The following MMRN1 variants were observed in gnomAD, a reference collection of about 807,000 sequenced individuals.
MMRN1 encodes the protein multimerin-1.
In MMRN1, 94 loss-of-function variants were observed where a neutral mutation model predicts 100.7. That is an observed-to-expected ratio of 0.93 (90% CI 0.79 to 1.11). The LOEUF (loss-of-function observed/expected upper bound fraction) is 1.11, where lower values mean the gene tolerates loss of function less well. Ranked by LOEUF, MMRN1 falls within the 50% of genes least tolerant of loss-of-function variation. MMRN1 has a pLI of 0.00. For synonymous variants in MMRN1, 575 were observed against 505.0 expected (o/e 1.14, Z -1.86); for missense variants, 1,606 against 1,439.1 (o/e 1.12, Z -1.88).
intron 1 of MMRN1, among the ~76,000 whole-genome samples, chr4:89,881,240 T>C (rs960965667): frequency 5.3e-5 from 8 of 152,136 alleles, no homozygotes; most frequent in Non-Finnish European, 8.8e-5. Context: ...TCTAGTTAAG[T>C]TTAAATTCCA....
chr4:89,927,285 A>G (rs1007612009), intron 4 of MMRN1, among the ~76,000 whole-genome samples: 27 of 151,818 alleles, frequency 1.8e-4, no homozygotes, highest in Non-Finnish European at 3.5e-4. Context: ...CATATCTTCA[A>G]TTTCTTTCAT....
At chr4:89,931,530 T>A (rs1722433443) in intron 5 of MMRN1, among the ~76,000 whole-genome samples, 1 of 152,108 alleles carries the variant, frequency 6.6e-6, no homozygotes, top group Non-Finnish European at 1.5e-5. Context: ...ATTGTGTTAG[T>A]CCATTTTCAT....
At chr4:89,950,149 A>T (rs1054626431) in intron 6 of MMRN1, among the ~76,000 whole-genome samples, 4 of 152,244 alleles carry the variant, frequency 2.6e-5, no homozygotes, top group Non-Finnish European at 5.9e-5. Context: ...TGTCTTCAGT[A>T]AACCAAACCT....
At chr4:89,888,025 T>G (rs573368890) in intron 1 of MMRN1, among the ~76,000 whole-genome samples, 1 of 152,156 alleles carries the variant, frequency 6.6e-6, no homozygotes, top group South Asian at 2.1e-4. Context: ...TTCATTTTGT[T>G]CACATATTCA....
chr4:89,946,872 T>G (rs776448631), intron 6 of MMRN1, among the ~76,000 whole-genome samples: 1 of 152,114 alleles, frequency 6.6e-6, no homozygotes, highest in Non-Finnish European at 1.5e-5. Context: ...GGTAGAATGT[T>G]GACTTGGAAG....
At chr4:89,895,854 G>A (rs1033474325) in intron 1 of MMRN1, among the ~76,000 whole-genome samples, 1 of 152,120 alleles carries the variant, frequency 6.6e-6, no homozygotes, top group Non-Finnish European at 1.5e-5. Context: ...GTTTTACTTA[G>A]AATAGTCATT....
At position 89,953,618 on chromosome 4, in the gene MMRN1, A is replaced by T; in HGVS notation, c.*200A>T. The T allele has an allele frequency of 2.4e-6, 1 of 423,282 alleles. No individual in the cohort carries two copies. Among genetic ancestry groups the T allele is most frequent in the Non-Finnish European group, 4.1e-6 (1 of 245,704 alleles). 26.2% of individuals were successfully genotyped at this position (423,282 alleles called of 1,614,324 possible). A position where few individuals can be genotyped will look rare whatever the true frequency, so the allele number is the denominator to read the frequency against. ...ATGTCTGAATATGAAAGAGTTCTTG[A>T]TCCTAAAGAAATTTAGTGGCACAGA... On this transcript the variant is annotated 3_prime_UTR_variant, in exon 8 of 8. Coordinates refer to ENST00000264790, the MANE Select transcript of MMRN1 (RefSeq NM_007351.3).
rs1722621864 is a variant in MMRN1 at position 89,936,065 on chromosome 4, A to G, written c.2385A>G (p.Arg795=). Residue 795 remains arginine, a synonymous_variant, in exon 6 of 8, where the codon AGA becomes AGG. Coordinates refer to ENST00000264790, the MANE Select transcript of MMRN1 (RefSeq NM_007351.3). ...AGACTTTGGTCAATGACAATCAGAG[A>G]TATAACTTTGTTTTGCAAGTCGCCA... is the stretch of plus-strand genomic sequence containing the variant. ...SIQTLVNDNQ[R]YNFVLQVAKT... is the part of the protein sequence containing the mutation. The G allele has an allele frequency of 1.2e-6, 2 of 1,611,946 alleles. No individual in the cohort carries two copies. The highest frequency in any genetic ancestry group is 4.5e-5 in the East Asian group (2 of 44,834).
At chr4:89,949,908 C>G (rs1161228008) in intron 6 of MMRN1, among the ~76,000 whole-genome samples, 1 of 152,078 alleles carries the variant, frequency 6.6e-6, no homozygotes, top group Non-Finnish European at 1.5e-5. Flanking sequence ...AAATAACTTC[C>G]AAATTAAAAA....
intron 4 of MMRN1, among the ~76,000 whole-genome samples, chr4:89,924,093 CTCTT>C (rs1385093810): frequency 6.6e-6 from 1 of 152,142 alleles, no homozygotes; most frequent in Non-Finnish European, 1.5e-5. Context: ...AATTATGAGT[CTCTT>C]TATCTTTGAT....
Position 89,954,516 on chromosome 4 carries a change from C to G in MMRN1, c.*1098C>G, listed in dbSNP as rs1023922536. ...CCCATTTTTTATTATTACAATATTACTGTGGTGAACATGCTTAAAAATACA... is the reference window on the plus strand; with the variant it reads ...CCCATTTTTTATTATTACAATATTAGTGTGGTGAACATGCTTAAAAATACA... On this transcript the variant is annotated 3_prime_UTR_variant, in exon 8 of 8. Coordinates refer to ENST00000264790, the MANE Select transcript of MMRN1 (RefSeq NM_007351.3). 1 of 152,082 alleles carries G rather than the reference C, an allele frequency of 6.6e-6. No individual in the cohort carries two copies. The highest frequency in any genetic ancestry group is 2.4e-5 in the African/African-American group (1 of 41,414). The allele number at this position is 152,082 out of a possible 1,614,324, so 9.4% of individuals were successfully genotyped here. A position where few individuals can be genotyped will look rare whatever the true frequency, so the allele number is the denominator to read the frequency against.
rs2110631812 is a variant in MMRN1, at chr4:89,934,944, A to C, written c.1264A>C (p.Ser422Arg). The change falls in exon 6 of 8, where the codon AGC (serine) becomes CGC (arginine). Residue 422 changes from serine (S) to arginine (R), a missense_variant. Transcript: ENST00000264790. ...TVSSLSEDLESTRQIIQKVNE... is the reference protein window; with the variant it reads ...TVSSLSEDLERTRQIIQKVNE... ...ATCAAGTCTATCAGAGGACCTCGAAAGCACCAGGCAAATAATTCAAAAAGT... is the reference window on the plus strand; with the variant it reads ...ATCAAGTCTATCAGAGGACCTCGAACGCACCAGGCAAATAATTCAAAAAGT... 1.2e-6 allele frequency: 2 copies of C among 1,613,756 alleles called. No individual in the cohort carries two copies. Among genetic ancestry groups the C allele is most frequent in the East Asian group, 4.5e-5 (2 of 44,864 alleles).
chr4:89,936,041 G>T lies in MMRN1; in HGVS notation c.2361G>T (p.Gln787His). ...TCCACCGTCTGAATGATTCTATTCA[G>T]ACTTTGGTCAATGACAATCAGAGAT... ...PQFHRLNDSI[Q>H]TLVNDNQRYN... Residue 787 changes from glutamine (Q) to histidine (H), a missense_variant, in exon 6 of 8, where the codon CAG becomes CAT. By Grantham distance (24) the Gln-to-His change is conservative. Coordinates refer to ENST00000264790, the MANE Select transcript of MMRN1 (RefSeq NM_007351.3). 1 of 1,612,394 alleles carries T rather than the reference G, an allele frequency of 6.2e-7. No homozygotes were observed. Among genetic ancestry groups the T allele is most frequent in the South Asian group, 1.1e-5 (1 of 90,628 alleles).
chr4:89,935,461 A>G lies in MMRN1; in HGVS notation c.1781A>G (p.Asp594Gly). 1 of 1,613,594 alleles carries G rather than the reference A, an allele frequency of 6.2e-7. No individual in the cohort carries two copies. The highest frequency in any genetic ancestry group is 8.5e-7 in the Non-Finnish European group (1 of 1,179,762). ...GAGTCTCTCAGAGGTGAATGTGAAGACATGTTATCCAAATGCAGAAATGAT... is the reference window on the plus strand; with the variant it reads ...GAGTCTCTCAGAGGTGAATGTGAAGGCATGTTATCCAAATGCAGAAATGAT... ...EKESLRGECE[D>G]MLSKCRNDFK... The change falls in exon 6 of 8, where the codon GAC (aspartate) becomes GGC (glycine). Residue 594 changes from aspartate to glycine, a missense_variant. By Grantham distance (94) the Asp-to-Gly change is moderately conservative (BLOSUM62 -1). Transcript: ENST00000264790.
Position 89,935,813 on chromosome 4 carries a change from T to C in MMRN1, c.2133T>C (p.Asp711=). The change falls in exon 6 of 8, where the codon GAT becomes GAC. Residue 711 remains aspartate (D), a synonymous_variant. Coordinates refer to ENST00000264790, the MANE Select transcript of MMRN1 (RefSeq NM_007351.3). ...LLRNEVQGRD[D]ALERRINEYA... ...GAAATGAAGTACAGGGTCGTGATGA[T>C]GCCTTAGAAAGACGTATCAATGAAT... is the stretch of plus-strand genomic sequence containing the variant. 1 of 1,613,312 alleles carries C rather than the reference T, an allele frequency of 6.2e-7. No individual in the cohort carries two copies. The highest frequency in any genetic ancestry group is 1.3e-5 in the African/African-American group (1 of 75,014).
chr4:89,917,570 C>T (rs573173063), intron 3 of MMRN1, among the ~76,000 whole-genome samples: 52 of 151,972 alleles, frequency 3.4e-4, no homozygotes, highest in Non-Finnish European at 7.4e-4. Flanking sequence ...ATACATCATA[C>T]CAAAAATCAC....
intron 1 of MMRN1, among the ~76,000 whole-genome samples, chr4:89,886,385 A>T (rs1225788309): frequency 6.6e-6 from 1 of 152,172 alleles, no homozygotes; most frequent in African/African-American, 2.4e-5. Context: ...ATTGTAACTT[A>T]ACAGTTTTGT....
intron 5 of MMRN1, among the ~76,000 whole-genome samples, chr4:89,928,840 A>G (rs971249052): frequency 2.0e-5 from 3 of 152,198 alleles, no homozygotes; most frequent in African/African-American, 7.2e-5. Context: ...ACAGTTGCCA[A>G]GTCCCTTTTG....
intron 1 of MMRN1, among the ~76,000 whole-genome samples, chr4:89,899,807 TC>T (rs1277410277): frequency 2.6e-5 from 4 of 151,900 alleles, no homozygotes; most frequent in African/African-American, 4.8e-5. Context: ...CTCTAATACA[TC>T]CCAAATACCT....
Sources: gnomAD v4.1 joint callset for allele counts (sites outside exome capture counted in the v4.1 genomes callset) on GRCh38, gnomAD v4.1.1 for gene constraint, MANE v1.5 for transcripts, NCBI Gene and HGNC (gene_info 2026-07-23, HGNC 2026-07-21) for gene names.